The following HFM1 variants were observed in gnomAD, a reference collection of about 807,000 sequenced individuals.
The protein encoded by HFM1 is helicase for meiosis 1, also known as probable ATP-dependent DNA helicase HFM1.
Under a neutral mutation model 192.1 loss-of-function variants are expected in HFM1, and 169 were observed. The observed-to-expected ratio is 0.88, with a 90% CI of 0.78 to 1.00. HFM1 has a LOEUF of 1.00. Among genes scored for constraint, HFM1 ranks in the 50% least tolerant of loss-of-function variants. The probability of loss-of-function intolerance (pLI) is 0.00; values close to 1 mark genes in which losing one functional copy is unlikely to be tolerated. For missense variants in HFM1, 1,661 were observed against 1,668.0 expected (o/e 1.00, Z 0.07); for synonymous variants, 525 against 537.8 (o/e 0.98, Z 0.33).
rs967778921 is a variant in HFM1, at chr1:91,350,875, A to G, written c.2073-4T>C. 15 of 1,562,820 alleles carry G rather than the reference A, an allele frequency of 9.6e-6. No homozygotes were observed. The highest frequency in any genetic ancestry group is 7.0e-5 in the Admixed American group (4 of 57,476). ...TTCAATAAGATGTCTGTGCAAACTAATGAAAAAAAACTTTGCATTATGAAT... is the reference window on the plus strand; with the variant it reads ...TTCAATAAGATGTCTGTGCAAACTAGTGAAAAAAAACTTTGCATTATGAAT... On this transcript the variant is annotated splice_region_variant and splice_polypyrimidine_tract_variant and intron_variant, in intron 17 of 38. Coordinates refer to ENST00000370425, the MANE Select transcript of HFM1 (RefSeq NM_001017975.6).
chr1:91,318,938 C>T (rs974100304), intron 25 of HFM1, 140 bp downstream of exon 25: 2 of 694,100 alleles, frequency 2.9e-6, no homozygotes, highest in Admixed American at 3.5e-5. Flanking sequence ...ATCAGATTTT[C>T]GAAAGTACAG....
chr1:91,274,897 A>T (rs1666663415), intron 32 of HFM1, 88 bp from the exon 33 acceptor site: 1 of 580,676 alleles, frequency 1.7e-6, no homozygotes, highest in African/African-American at 1.9e-5. Flanking sequence ...TCCTGCTGGT[A>T]CATAAAGTCC....
Position 91,394,247 on chromosome 1 carries a change from A to G in HFM1, c.340T>C (p.Leu114=), listed in dbSNP as rs1419600108. 6.3e-7 allele frequency: 1 copy of G among 1,598,502 alleles called. No individual in the cohort carries two copies. Among genetic ancestry groups the G allele is most frequent in the Non-Finnish European group, 8.6e-7 (1 of 1,165,884 alleles). ...LNLEGVGNND[L]SHIAGKLTYA... Reference sequence around the variant, plus strand: ...GTCAGCTTGCCAGCAATATGTGATAAGTCATTATTACCTACCCCTTCTAAA... The same window carrying G: ...GTCAGCTTGCCAGCAATATGTGATAGGTCATTATTACCTACCCCTTCTAAA... The change falls in exon 4 of 39, where the codon TTA becomes CTA. Residue 114 remains leucine (L), a synonymous_variant. Coordinates refer to ENST00000370425, the MANE Select transcript of HFM1 (RefSeq NM_001017975.6).
chr1:91,378,632 T>TA, intron 9 of HFM1, 152 bp from the exon 10 acceptor site: 1 of 459,452 alleles, frequency 2.2e-6, no homozygotes, highest in Non-Finnish European at 3.9e-6. Flanking sequence ...ATTTTAAAAT[T>TA]AAAAAATACT....
intron 34 of HFM1, among the ~76,000 whole-genome samples, chr1:91,268,873 G>A (rs973666925): frequency 3.9e-5 from 6 of 152,010 alleles, no homozygotes; most frequent in African/African-American, 1.4e-4. Flanking sequence ...CAAGTAAGAT[G>A]AAAATATTAA....
intron 30 of HFM1, among the ~76,000 whole-genome samples, chr1:91,286,608 A>G (rs999750840): frequency 1.3e-5 from 2 of 152,186 alleles, no homozygotes; most frequent in Admixed American, 1.3e-4. Context: ...TAACTTGATT[A>G]TATCTGTAAA....
intron 30 of HFM1, among the ~76,000 whole-genome samples, chr1:91,298,703 G>A (rs1346935330): frequency 2.0e-5 from 3 of 152,252 alleles, no homozygotes; most frequent in Non-Finnish European, 2.9e-5. Context: ...CATAAGTGAA[G>A]GAGAAGTAAA....
At chr1:91,261,578 T>A (rs1378806430) in intron 38 of HFM1, 2 of 314,482 alleles carry the variant, frequency 6.4e-6, no homozygotes, top group Non-Finnish European at 1.2e-5. Context: ...AAAGGTTATT[T>A]CTTTAAATAT....
In HFM1 at chr1:91,315,904, T is replaced by C. The variant is rs374955917; in HGVS notation, c.3051A>G (p.Leu1017=). Reference sequence around the variant, plus strand: ...AATCCGATGCTGTTCTTTTAGTTTGTAGCTGTTCAAAATTTCTTAATATAA... The same window carrying C: ...AATCCGATGCTGTTCTTTTAGTTTGCAGCTGTTCAAAATTTCTTAATATAA... ...VTVILRNFEQ[L]QTKRTASDSH... Residue 1017 remains leucine, a synonymous_variant, in exon 28 of 39, where the codon CTA becomes CTG. Coordinates refer to ENST00000370425, the MANE Select transcript of HFM1 (RefSeq NM_001017975.6). The C allele has an allele frequency of 5.5e-5, 88 of 1,606,574 alleles. No homozygotes were observed. Among genetic ancestry groups the C allele is most frequent in the Non-Finnish European group, 7.3e-5 (86 of 1,173,644 alleles).
At chr1:91,271,986 T>C (rs1427227555) in intron 34 of HFM1, among the ~76,000 whole-genome samples, 1 of 152,164 alleles carries the variant, frequency 6.6e-6, no homozygotes, top group Non-Finnish European at 1.5e-5. Context: ...AATCTTATGA[T>C]TCAACATGCT....
At chr1:91,342,638 C>T (rs1433584480) in intron 20 of HFM1, among the ~76,000 whole-genome samples, 1 of 152,140 alleles carries the variant, frequency 6.6e-6, no homozygotes, top group East Asian at 1.9e-4. Context: ...TAAAGGCCCC[C>T]ATGTCACATA....
At chr1:91,406,960 C>T (rs1174708065), upstream of HFM1, among the ~76,000 whole-genome samples, 1 of 152,186 alleles carries the variant, frequency 6.6e-6, no homozygotes, top group African/African-American at 2.4e-5. Flanking sequence ...ACAGCTGCAG[C>T]CAAGAATACA....
At chr1:91,289,574 T>G (rs1385667070) in intron 30 of HFM1, among the ~76,000 whole-genome samples, 3 of 152,080 alleles carry the variant, frequency 2.0e-5, no homozygotes, top group African/African-American at 7.2e-5. Flanking sequence ...TGGGCAACAT[T>G]GAGCACTGAG....
At chr1:91,324,234 C>G (rs958596084) in intron 21 of HFM1, among the ~76,000 whole-genome samples, 2 of 152,192 alleles carry the variant, frequency 1.3e-5, no homozygotes, top group African/African-American at 4.8e-5. Context: ...TCACTGTTCT[C>G]ACCCAAAATA....
intron 30 of HFM1, among the ~76,000 whole-genome samples, chr1:91,303,551 T>C (rs985412251): frequency 7.9e-5 from 12 of 152,214 alleles, no homozygotes; most frequent in Admixed American, 2.6e-4. Flanking sequence ...CTGTATCATA[T>C]GTTAATTCTA....
At position 91,297,730 on chromosome 1, in the gene HFM1, C is replaced by T. The variant is rs1570844356; in HGVS notation, c.3391+15619G>A. On this transcript the variant is annotated intron_variant, in intron 30 of 38. Transcript: ENST00000370425. ...CTCCAACAGACCTGCAGCTGAGGGT[C>T]CTGACTGTTAGAAGGAAAACTAACA... Among the ~76,000 whole-genome samples the T allele has an allele frequency of 2.0e-5, 3 of 152,210 alleles. No homozygotes were observed. In the South Asian group the frequency reaches 6.2e-4, roughly 32 times the overall value.
rs201708733 is a variant in HFM1, at chr1:91,401,915, A to AT, written c.-27-807dup. ...GGGGCTGAACAAAGATGCAAATGTG[A>AT]TTAAAAAAAAAAACTAGTCTCTAGA... On this transcript the variant is annotated intron_variant, in intron 1 of 38. Transcript: ENST00000370425. Among the ~76,000 whole-genome samples, 424 of 137,382 alleles carry AT rather than the reference A, an allele frequency of 3.1e-3. 1 individual carries two copies. Among genetic ancestry groups the AT allele is most frequent in the African/African-American group, 0.01 (399 of 38,186 alleles). 90.1% of individuals were successfully genotyped at this position (137,382 alleles called of 152,430 possible). A position where few individuals can be genotyped will look rare whatever the true frequency, so the allele number is the denominator to read the frequency against.
At chr1:91,387,467 C>T (rs1662360147) in intron 4 of HFM1, among the ~76,000 whole-genome samples, 3 of 151,862 alleles carry the variant, frequency 2.0e-5, no homozygotes, top group Non-Finnish European at 4.4e-5. Context: ...CAAGATCAAG[C>T]GAGCTTTTGC....
chr1:91,385,704 T>A lies in HFM1; in HGVS notation c.625A>T (p.Ser209Cys), dbSNP rs761708520. 6.2e-7 allele frequency: 1 copy of A among 1,612,940 alleles called. No individual in the cohort carries two copies. Among genetic ancestry groups the A allele is most frequent in the East Asian group, 2.2e-5 (1 of 44,832 alleles). The part of the protein sequence containing the change: ...NKGKSRNYSN[S>C]KQKFQYSANV... Reference sequence around the variant, plus strand: ...GCAGAATACTGAAATTTTTGCTTACTATTGCTATAGTTCCTTGATTTCCCT... The same window carrying A: ...GCAGAATACTGAAATTTTTGCTTACAATTGCTATAGTTCCTTGATTTCCCT... The change falls in exon 5 of 39, where the codon AGT becomes TGT. Residue 209 changes from serine to cysteine, a missense_variant. Coordinates refer to ENST00000370425, the MANE Select transcript of HFM1 (RefSeq NM_001017975.6).
Sources: allele counts gnomAD v4.1 joint callset (sites outside exome capture counted in the v4.1 genomes callset), GRCh38; gene constraint gnomAD v4.1.1; transcripts MANE v1.5; gene names NCBI Gene and HGNC (gene_info 2026-07-23, HGNC 2026-07-21).